Variants in PUS7 observed in about 807,000 individuals in gnomAD.
The protein encoded by PUS7 is pseudouridylate synthase 7 homolog.
A neutral mutation model predicts 79.8 loss-of-function variants in PUS7; 48 were observed. That is an observed-to-expected ratio of 0.60 (90% CI 0.48 to 0.76). The LOEUF (loss-of-function observed/expected upper bound fraction) is 0.76. PUS7 is among the 30% of genes least tolerant of loss of function. The pLI, the probability that PUS7 is intolerant of heterozygous loss-of-function variation, is 0.00. For missense variants in PUS7, 729 were observed against 797.6 expected, an observed-to-expected ratio of 0.91 and a Z score of 1.04; for synonymous variants, 286 against 272.2, an observed-to-expected ratio of 1.05 and a Z score of -0.50.
At chr7:105,509,405 G>C (rs973919190) in intron 1 of PUS7, among the ~76,000 whole-genome samples, 5 of 151,898 alleles carry the variant, frequency 3.3e-5, no homozygotes, top group Admixed American at 1.3e-4. Flanking sequence ...ACTACTTTTA[G>C]GGATTTATCT....
chr7:105,471,711 G>A (rs564054832), intron 10 of PUS7, among the ~76,000 whole-genome samples: 19 of 152,108 alleles, frequency 1.2e-4, no homozygotes, highest in Admixed American at 9.8e-4. Context: ...CCAGGAGTTC[G>A]AGACCAGCCT....
intron 13 of PUS7, among the ~76,000 whole-genome samples, chr7:105,464,982 C>T (rs920209331): frequency 6.6e-6 from 1 of 152,010 alleles, no homozygotes; most frequent in Non-Finnish European, 1.5e-5. Flanking sequence ...CCAGGCCCAG[C>T]TAATTTTTGT....
At chr7:105,474,010 G>A (rs1823981520) in intron 9 of PUS7, among the ~76,000 whole-genome samples, 1 of 152,164 alleles carries the variant, frequency 6.6e-6, no homozygotes, top group African/African-American at 2.4e-5. Context: ...TAGTATTGCT[G>A]TACAGAAATT....
chr7:105,476,087 G>GCA (rs1824096435), intron 9 of PUS7, among the ~76,000 whole-genome samples: 1 of 132,768 alleles, frequency 7.5e-6, no homozygotes, highest in Admixed American at 9.0e-5. Flanking sequence ...TGGCGCCACT[G>GCA]CACTCCAGCC....
At chr7:105,467,971 C>A (rs1440123338) in intron 12 of PUS7, among the ~76,000 whole-genome samples, 1 of 151,708 alleles carries the variant, frequency 6.6e-6, no homozygotes, top group African/African-American at 2.4e-5. Context: ...CTCACTGTGT[C>A]ACCTAGGCTG....
At chr7:105,481,625 AC>A (rs984635138) in intron 8 of PUS7, among the ~76,000 whole-genome samples, 2 of 152,108 alleles carry the variant, frequency 1.3e-5, no homozygotes, top group Admixed American at 6.6e-5. Flanking sequence ...CTAAACAGTA[AC>A]TTTCCATTAC....
chr7:105,471,236 G>A (rs1472748962), intron 10 of PUS7, among the ~76,000 whole-genome samples: 3 of 152,136 alleles, frequency 2.0e-5, no homozygotes, highest in Admixed American at 6.6e-5. Context: ...TACCCAAAGT[G>A]AGCACAATTA....
chr7:105,464,753 G>A (rs80172883), intron 13 of PUS7, among the ~76,000 whole-genome samples: 3,649 of 151,330 alleles, frequency 0.024, 54 homozygotes, highest in African/African-American at 0.031. Flanking sequence ...ATGGCCTGTC[G>A]TGGGACTTCT....
At chr7:105,502,317 C>T in intron 5 of PUS7, 103 bp downstream of exon 5, 1 of 1,362,594 alleles carries the variant, frequency 7.3e-7, no homozygotes, top group Non-Finnish European at 1.0e-6. Context: ...GTTCTCTGAG[C>T]AGCACTATAG....
intron 5 of PUS7, chr7:105,496,883 T>C: frequency 2.9e-6 from 3 of 1,036,980 alleles, no homozygotes; most frequent in Non-Finnish European, 3.7e-6. Flanking sequence ...AGCAAAGTTG[T>C]CTATACTTAG....
intron 1 of PUS7, among the ~76,000 whole-genome samples, chr7:105,512,577 C>T (rs969550967): frequency 3.3e-5 from 5 of 152,106 alleles, no homozygotes; most frequent in African/African-American, 9.7e-5. Context: ...GGCATGGGGG[C>T]GTGGGAGCTC....
Position 105,462,750 on chromosome 7 carries a change from A to T in PUS7, c.1628T>A (p.Ile543Asn), listed in dbSNP as rs768073626. The T allele has an allele frequency of 6.2e-7, 1 of 1,608,404 alleles. No homozygotes were observed. The stretch of plus-strand genomic sequence containing the variant: ...GAGCATTTCCCTGTAGGCTTCTTGA[A>T]CTAATATAAAATACAAAAAGTTAGT... ...GFDVIYPKHKIQEAYREMLTA... is the reference protein window; with the variant it reads ...GFDVIYPKHKNQEAYREMLTA... The change falls in exon 14 of 16, where the codon ATT (isoleucine) becomes AAT (asparagine). Residue 543 changes from isoleucine (I) to asparagine (N), a missense_variant and splice_region_variant. Coordinates refer to ENST00000469408, the MANE Select transcript of PUS7 (RefSeq NM_019042.5).
At chr7:105,509,004 C>T (rs1449648096) in intron 1 of PUS7, among the ~76,000 whole-genome samples, 1 of 148,340 alleles carries the variant, frequency 6.7e-6, no homozygotes, top group Non-Finnish European at 1.5e-5. Context: ...CATGGTGAAA[C>T]CCCATCTCTA....
intron 13 of PUS7, among the ~76,000 whole-genome samples, chr7:105,463,441 A>C (rs990236190): frequency 6.6e-6 from 1 of 152,184 alleles, no homozygotes; most frequent in African/African-American, 2.4e-5. Context: ...TGCTTCCCTT[A>C]GCTGTCCCTC....
intron 2 of PUS7, among the ~76,000 whole-genome samples, chr7:105,507,794 G>A (rs1389317824): frequency 2.6e-5 from 4 of 152,032 alleles, no homozygotes; most frequent in African/African-American, 7.2e-5. Context: ...CGCCAGCCTC[G>A]GCCTCCCAAA....
At position 105,459,255 on chromosome 7, in the gene PUS7, C is replaced by T; in HGVS notation, c.1762G>A (p.Val588Ile). 3.1e-6 allele frequency: 5 copies of T among 1,605,908 alleles called. No individual in the cohort carries two copies. The highest frequency in any genetic ancestry group is 1.1e-5 in the South Asian group (1 of 90,592). Residue 588 changes from valine to isoleucine, a missense_variant, in exon 15 of 16, where the codon GTC (valine) becomes ATC (isoleucine). Transcript: ENST00000469408. Reference protein sequence around the residue: ...IIRPQNVSWEVVAYDDPKIPL... With the variant: ...IIRPQNVSWEIVAYDDPKIPL... The stretch of plus-strand genomic sequence containing the variant: ...ATTTTGGGATCATCATATGCAACGA[C>T]TTCCCTTCAAAACATATGAATAAAG...
chr7:105,462,855 A>C (rs1026402561), intron 13 of PUS7, 105 bp from the exon 14 acceptor site: 7 of 1,069,084 alleles, frequency 6.5e-6, no homozygotes, highest in South Asian at 4.7e-5. Context: ...AGACTGCCCT[A>C]ATAAAATTAG....
chr7:105,519,504 C>T (rs1826023457), intron 1 of PUS7, among the ~76,000 whole-genome samples: 1 of 152,170 alleles, frequency 6.6e-6, no homozygotes, highest in Non-Finnish European at 1.5e-5. Context: ...CTCGGCCTCC[C>T]AGAGTGCTGG....
chr7:105,464,590 T>C lies in PUS7; in HGVS notation c.1627+723A>G, dbSNP rs149520955. Reference sequence around the variant, plus strand: ...CTCTGGATGTCAACTCCAGGTTCTCTGGCCTATGGACTCTGGGACTTATAC... The same window carrying C: ...CTCTGGATGTCAACTCCAGGTTCTCCGGCCTATGGACTCTGGGACTTATAC... On this transcript the variant is annotated intron_variant, in intron 13 of 15. Coordinates refer to ENST00000469408, the MANE Select transcript of PUS7 (RefSeq NM_019042.5). 8.7e-3 allele frequency among the ~76,000 whole-genome samples: 1,318 copies of C among 152,312 alleles called. 10 individuals carry two copies. The highest frequency in any genetic ancestry group is 0.041 in the South Asian group (200 of 4,834).
Sources: allele counts gnomAD v4.1 joint callset (sites outside exome capture counted in the v4.1 genomes callset), GRCh38; gene constraint gnomAD v4.1.1; transcripts MANE v1.5; gene names NCBI Gene and HGNC (gene_info 2026-07-23, HGNC 2026-07-21).